Variants in COX4I1 observed in about 807,000 individuals in gnomAD.
The protein encoded by COX4I1 is cytochrome c oxidase subunit 4I1.
A neutral mutation model predicts 21.7 loss-of-function variants in COX4I1; 18 were observed. The ratio of observed to expected loss-of-function variants is 0.83; its 90% CI spans 0.57 to 1.23. The LOEUF is 1.23. COX4I1 is among the 50% of genes most tolerant of loss of function. The pLI, the probability that COX4I1 is intolerant of heterozygous loss-of-function variation, is 0.00. For synonymous variants in COX4I1, 100 were observed against 81.5 expected (o/e 1.23, Z -1.23); for missense variants, 238 against 220.7 (o/e 1.08, Z -0.50).
Position 85,804,965 on chromosome 16 carries a change from G to A in COX4I1, c.102G>A (p.Ser34=), listed in dbSNP as rs377678815. Residue 34 remains serine (S), a synonymous_variant, in exon 3 of 5, where the codon TCG becomes TCA. Coordinates refer to ENST00000253452, the MANE Select transcript of COX4I1 (RefSeq NM_001861.6). Reference sequence around the variant, plus strand: ...GTGTTGTGAAGAGCGAAGACTTTTCGCTCCCAGCTTATATGGATCGGCGTG... The same window carrying A: ...GTGTTGTGAAGAGCGAAGACTTTTCACTCCCAGCTTATATGGATCGGCGTG... ...HESVVKSEDF[S]LPAYMDRRDH... 48 of 1,609,500 alleles carry A rather than the reference G, an allele frequency of 3.0e-5. No individual in the cohort carries two copies. The highest frequency in any genetic ancestry group is 3.9e-5 in the Non-Finnish European group (46 of 1,178,802).
At position 85,805,118 on chromosome 16, in the gene COX4I1, G is replaced by A; in HGVS notation, c.241+14G>A. On this transcript the variant is annotated intron_variant, in intron 3 of 4. Transcript: ENST00000253452. ...AGAAAGTCGAGTGTGGGTATTGAAG[G>A]GACCCACAGGCGCGCCCAGCAGCTC... The A allele has an allele frequency of 6.2e-7, 1 of 1,605,276 alleles. No individual in the cohort carries two copies. Among genetic ancestry groups the A allele is most frequent in the Non-Finnish European group, 8.5e-7 (1 of 1,176,502 alleles).
chr16:85,804,919 A>C lies in COX4I1; in HGVS notation c.74-18A>C, dbSNP rs1344781951. 3.8e-6 allele frequency: 6 copies of C among 1,592,752 alleles called. No homozygotes were observed. The Admixed American group carries it at 1.1e-4, about 28-fold the overall frequency. On this transcript the variant is annotated intron_variant, in intron 2 of 4. Coordinates refer to ENST00000253452, the MANE Select transcript of COX4I1 (RefSeq NM_001861.6). The stretch of plus-strand genomic sequence containing the variant: ...AACTTACATGGATTTTCAAAGATTT[A>C]TTCAATATGTTTTTCAGAAAGTGTT...
intron 2 of COX4I1, among the ~76,000 whole-genome samples, chr16:85,802,375 C>T (rs772300233): frequency 3.3e-5 from 5 of 152,240 alleles, no homozygotes; most frequent in Non-Finnish European, 5.9e-5. Flanking sequence ...GTATTGCTGT[C>T]TCAGCCTCTT....
chr16:85,804,131 G>T (rs2733961), intron 2 of COX4I1: 98,875 of 152,300 alleles, frequency 0.65, 34,644 homozygotes, highest in Non-Finnish European at 0.8. Flanking sequence ...GAGCTAGCAC[G>T]ATTTCTCACT....
At chr16:85,803,904 C>T (rs1019059377) in intron 2 of COX4I1, 3 of 152,280 alleles carry the variant, frequency 2.0e-5, no homozygotes, top group Non-Finnish European at 4.4e-5. Context: ...TCCTGATGCC[C>T]CGCTGCTCTA....
At chr16:85,805,320 CT>C in intron 3 of COX4I1, 1 of 564,306 alleles carries the variant, frequency 1.8e-6, no homozygotes, top group Non-Finnish European at 3.1e-6. Context: ...AGGCCCCCTT[CT>C]CTGTGCTGAG....
At chr16:85,802,826 C>T (rs1374270780) in intron 2 of COX4I1, among the ~76,000 whole-genome samples, 5 of 152,214 alleles carry the variant, frequency 3.3e-5, no homozygotes, top group Admixed American at 1.3e-4. Context: ...TGAAGAACCC[C>T]TGAAACCATG....
At chr16:85,806,226 C>A in intron 4 of COX4I1, 1 of 590,884 alleles carries the variant, frequency 1.7e-6, no homozygotes, top group Non-Finnish European at 3.0e-6. Context: ...GAATGACTGT[C>A]TGGACTGTTG....
chr16:85,801,269 C>T lies in COX4I1; in HGVS notation c.64C>T (p.Arg22Ter). ...AGCAATTTCCACCTCTGTGTGTGTACGAGCTCATGGTAAGTGTGACTTTTC... is the reference window on the plus strand; with the variant it reads ...AGCAATTTCCACCTCTGTGTGTGTATGAGCTCATGGTAAGTGTGACTTTTC... ...KRAISTSVCV[R>*]AHESVVKSED... The change falls in exon 2 of 5, where the codon CGA becomes TGA. Residue 22 changes from arginine (R) to a stop codon, truncating the protein, a stop_gained. Coordinates refer to ENST00000253452, the MANE Select transcript of COX4I1 (RefSeq NM_001861.6). LOFTEE classifies it high-confidence loss of function. The T allele has an allele frequency of 1.9e-6, 3 of 1,608,748 alleles. No homozygotes were observed. Among genetic ancestry groups the T allele is most frequent in the South Asian group, 1.1e-5 (1 of 90,848 alleles).
intron 4 of COX4I1, chr16:85,806,377 TGAA>T: frequency 1.5e-6 from 1 of 675,010 alleles, no homozygotes; most frequent in Admixed American, 2.2e-5. Flanking sequence ...TTTTGCATTC[TGAA>T]TAGGTATATT....
chr16:85,805,732 G>C lies in COX4I1; in HGVS notation c.242-1G>C. 1 of 1,614,180 alleles carries C rather than the reference G, an allele frequency of 6.2e-7. No homozygotes were observed. Reference sequence around the variant, plus strand: ...TAAATGGCTGTCCTCTCTGCCCCCAGTGTATCGCATTAAGTTCAAGGAGAG... The same window carrying C: ...TAAATGGCTGTCCTCTCTGCCCCCACTGTATCGCATTAAGTTCAAGGAGAG... On this transcript the variant is annotated splice_acceptor_variant, in intron 3 of 4. Coordinates refer to ENST00000253452, the MANE Select transcript of COX4I1 (RefSeq NM_001861.6). LOFTEE classifies it high-confidence loss of function.
rs144300062 is a variant in COX4I1 at position 85,802,764 on chromosome 16, T to A, written c.73+1486T>A. On this transcript the variant is annotated intron_variant, in intron 2 of 4. Coordinates refer to ENST00000253452, the MANE Select transcript of COX4I1 (RefSeq NM_001861.6). Reference sequence around the variant, plus strand: ...CTCTCTCTCTAAAAGAAATGTTTGGTATATTAACCATTGATTTTCCCTTAA... The same window carrying A: ...CTCTCTCTCTAAAAGAAATGTTTGGAATATTAACCATTGATTTTCCCTTAA... Among the ~76,000 whole-genome samples the A allele has an allele frequency of 2.9e-3, 440 of 152,338 alleles. 3 individuals carry two copies. Among genetic ancestry groups the A allele is most frequent in the African/African-American group, 0.01 (430 of 41,576 alleles).
At position 85,806,883 on chromosome 16, in the gene COX4I1, G is replaced by GGCCTGC; in HGVS notation, c.*16_*21dup. The stretch of plus-strand genomic sequence containing the variant: ...ACGAGTGGAAGAAGTGAGAGATGCT[G>GGCCTGC]GCCTGCGCCTGCACCTGCGCCTGGC... On this transcript the variant is annotated 3_prime_UTR_variant, in exon 5 of 5. Transcript: ENST00000253452. 1 of 1,609,908 alleles carries GGCCTGC rather than the reference G, an allele frequency of 6.2e-7. No homozygotes were observed. The highest frequency in any genetic ancestry group is 8.5e-7 in the Non-Finnish European group (1 of 1,177,446).
chr16:85,805,523 G>C, intron 3 of COX4I1: 1 of 642,926 alleles, frequency 1.6e-6, no homozygotes, highest in Non-Finnish European at 2.6e-6. Context: ...CGAACTGTAT[G>C]CATTTTCTTC....
intron 4 of COX4I1, chr16:85,806,384 G>A: frequency 1.4e-6 from 1 of 694,014 alleles, no homozygotes; most frequent in South Asian, 1.5e-5. Context: ...TTCTGAATAG[G>A]TATATTCTCG....
rs188856638 is a variant in COX4I1, at chr16:85,806,610, G to A, written c.374-128G>A. The stretch of plus-strand genomic sequence containing the variant: ...GGTCAGAAACCGTGTGTTTGAGCGG[G>A]TGTTGAGTGGCAGGTGGCTCTGCTG... On this transcript the variant is annotated intron_variant, in intron 4 of 4. Coordinates refer to ENST00000253452, the MANE Select transcript of COX4I1 (RefSeq NM_001861.6). 2.3e-6 allele frequency: 3 copies of A among 1,324,998 alleles called. No individual in the cohort carries two copies. The East Asian group carries it at 6.9e-5, about 30-fold the overall frequency. The allele number at this position is 1,324,998 out of a possible 1,614,324, so 82.1% of individuals were successfully genotyped here.
At chr16:85,800,882 C>G (rs986414876) in intron 1 of COX4I1, among the ~76,000 whole-genome samples, 1 of 152,200 alleles carries the variant, frequency 6.6e-6, no homozygotes, top group African/African-American at 2.4e-5. Context: ...CCTCGGCCTC[C>G]CAAAGTGCTG....
At chr16:85,800,284 C>G (rs1336327955) in intron 1 of COX4I1, among the ~76,000 whole-genome samples, 3 of 152,254 alleles carry the variant, frequency 2.0e-5, no homozygotes, top group Non-Finnish European at 4.4e-5. Flanking sequence ...CCACATCACT[C>G]TCACCAGTCC....
intron 1 of COX4I1, among the ~76,000 whole-genome samples, chr16:85,800,192 C>T (rs1388434195): frequency 6.6e-6 from 1 of 152,264 alleles, no homozygotes; most frequent in African/African-American, 2.4e-5. Flanking sequence ...CACGCAAGGG[C>T]TAGGCCCAAG....
Sources: gnomAD v4.1 joint callset for allele counts (sites outside exome capture counted in the v4.1 genomes callset) on GRCh38, gnomAD v4.1.1 for gene constraint, MANE v1.5 for transcripts, NCBI Gene and HGNC (gene_info 2026-07-23, HGNC 2026-07-21) for gene names.